ZKSCAN5: variants seen among roughly 807,000 people sequenced by gnomAD.
ZKSCAN5 encodes zinc finger with KRAB and SCAN domains 5, also known as zinc finger protein with KRAB and SCAN domains 5.
In ZKSCAN5, 28 loss-of-function variants were observed where a neutral mutation model predicts 60.0. That is an observed-to-expected ratio of 0.47 (90% CI 0.35 to 0.64). The LOEUF (loss-of-function observed/expected upper bound fraction) is 0.64, where lower values mean the gene tolerates loss of function less well. Ranked by LOEUF, ZKSCAN5 falls within the 30% of genes least tolerant of loss-of-function variation. ZKSCAN5 has a pLI of 0.01. For missense variants in ZKSCAN5, 881 were observed against 1,034.6 expected, an observed-to-expected ratio of 0.85 and a Z score of 2.04; for synonymous variants, 361 against 371.2, an observed-to-expected ratio of 0.97 and a Z score of 0.31.
At chr7:99,531,068 AG>A in intron 6 of ZKSCAN5, 39 bp from the exon 7 acceptor site, 1 of 1,518,528 alleles carries the variant, frequency 6.6e-7, no homozygotes, top group Non-Finnish European at 8.8e-7. Flanking sequence ...AAAAAAAAAA[AG>A]AACTGATGAC....
intron 6 of ZKSCAN5, among the ~76,000 whole-genome samples, chr7:99,527,857 T>G (rs1801861522): frequency 6.6e-6 from 1 of 152,030 alleles, no homozygotes; most frequent in Admixed American, 6.6e-5. Context: ...GCTAATTTTT[T>G]TTTGTATTTT....
chr7:99,531,649 A>G lies in ZKSCAN5; in HGVS notation c.1920A>G (p.Lys640=). ...CCTTCAAGTGTAACGAATGTGGGAA[A>G]GGCTTTGGGAGGCGTTCCCACCTGG... The part of the protein sequence containing the change: ...ERPFKCNECG[K]GFGRRSHLAG... Residue 640 remains lysine, a synonymous_variant, in exon 7 of 7, where the codon AAA becomes AAG. Transcript: ENST00000326775. The G allele has an allele frequency of 6.2e-7, 1 of 1,614,184 alleles. No individual in the cohort carries two copies. The highest frequency in any genetic ancestry group is 8.5e-7 in the Non-Finnish European group (1 of 1,180,046).
Position 99,533,289 on chromosome 7 carries a change from T to C in ZKSCAN5, c.*1040T>C. 1.5e-6 allele frequency: 1 copy of C among 672,094 alleles called. No homozygotes were observed. Among genetic ancestry groups the C allele is most frequent in the Non-Finnish European group, 2.7e-6 (1 of 365,174 alleles). The allele number at this position is 672,094 out of a possible 1,614,324, so 41.6% of individuals were successfully genotyped here. A position where few individuals can be genotyped will look rare whatever the true frequency, so the allele number is the denominator to read the frequency against. On this transcript the variant is annotated 3_prime_UTR_variant, in exon 7 of 7. Coordinates refer to ENST00000326775, the MANE Select transcript of ZKSCAN5 (RefSeq NM_145102.4). ...GCAGGAGGTCCTGTTAGCCCTGCCT[T>C]CCAGGAAGGTTGGGGTGGGAGTTTT...
At position 99,532,217 on chromosome 7, in the gene ZKSCAN5, A is replaced by T; in HGVS notation, c.2488A>T (p.Asn830Tyr). ...LRSHERTDPI[N>Y]TLSVEGSLL ...AAGCCATGAGAGGACAGATCCCATAAATACCTTAAGTGTAGAGGGGTCTCT... is the reference window on the plus strand; with the variant it reads ...AAGCCATGAGAGGACAGATCCCATATATACCTTAAGTGTAGAGGGGTCTCT... The change falls in exon 7 of 7, where the codon AAT becomes TAT. Residue 830 changes from asparagine to tyrosine, a missense_variant. Asn to Tyr is a moderately radical substitution (Grantham distance 143). Transcript: ENST00000326775. 6.2e-7 allele frequency: 1 copy of T among 1,604,698 alleles called. No individual in the cohort carries two copies.
chr7:99,532,079 C>T lies in ZKSCAN5; in HGVS notation c.2350C>T (p.Leu784=), dbSNP rs2151120773. ...TCATGAATGTGGCAGAGGCTTCACTCTGAAGTCACATCTTAATCAACATCA... is the reference window on the plus strand; with the variant it reads ...TCATGAATGTGGCAGAGGCTTCACTTTGAAGTCACATCTTAATCAACATCA... ...QCHECGRGFT[L]KSHLNQHQRI... is the part of the protein sequence containing the mutation. Residue 784 remains leucine, a synonymous_variant, in exon 7 of 7, where the codon CTG becomes TTG. Transcript: ENST00000326775. 1 of 1,614,182 alleles carries T rather than the reference C, an allele frequency of 6.2e-7. No individual in the cohort carries two copies. Among genetic ancestry groups the T allele is most frequent in the Non-Finnish European group, 8.5e-7 (1 of 1,180,030 alleles).
chr7:99,507,511 G>GTATATATATGTATATATA (rs1231084896), intron 2 of ZKSCAN5, among the ~76,000 whole-genome samples: 6,449 of 136,900 alleles, frequency 0.047, 531 homozygotes, highest in East Asian at 0.26. Flanking sequence ...GTATATATAT[G>GTATATATATGTATATATA]TGTGTATATA....
In ZKSCAN5 at chr7:99,533,257, C is replaced by T; in HGVS notation, c.*1008C>T. The T allele has an allele frequency of 1.5e-6, 1 of 688,368 alleles. No homozygotes were observed. Among genetic ancestry groups the T allele is most frequent in the South Asian group, 1.5e-5 (1 of 66,054 alleles). The allele number at this position is 688,368 out of a possible 1,614,324, so 42.6% of individuals were successfully genotyped here. ...GGGATTGAAAGTAATCAGTCGTGAG[C>T]AGGCAGGCAGGAGGTCCTGTTAGCC... On this transcript the variant is annotated 3_prime_UTR_variant, in exon 7 of 7. Transcript: ENST00000326775.
chr7:99,515,080 A>G (rs1256048325), intron 3 of ZKSCAN5, among the ~76,000 whole-genome samples: 1 of 151,924 alleles, frequency 6.6e-6, no homozygotes, highest in Non-Finnish European at 1.5e-5. Context: ...CTCTGTCTCC[A>G]TAAAAAATAA....
At position 99,525,886 on chromosome 7, in the gene ZKSCAN5, G is replaced by T. The variant is rs753425691; in HGVS notation, c.846G>T (p.Ala282=). 1.2e-6 allele frequency: 2 copies of T among 1,613,858 alleles called. No individual in the cohort carries two copies. Among genetic ancestry groups the T allele is most frequent in the Non-Finnish European group, 1.7e-6 (2 of 1,180,036 alleles). ...ISDDSESHWV[A]PEHTERSVPQ... ...ATGACTCTGAATCACACTGGGTGGC[G>T]CCAGAACACACCGAAAGGAGCGTTC... The change falls in exon 6 of 7, where the codon GCG becomes GCT. Residue 282 remains alanine, a synonymous_variant. Transcript: ENST00000326775.
rs1437279969 is a variant in ZKSCAN5 at position 99,533,253 on chromosome 7, T to A, written c.*1004T>A. 2.9e-6 allele frequency: 2 copies of A among 690,090 alleles called. No homozygotes were observed. The highest frequency in any genetic ancestry group is 3.0e-5 in the South Asian group (2 of 66,304). 42.7% of individuals were successfully genotyped at this position (690,090 alleles called of 1,614,324 possible). Reference sequence around the variant, plus strand: ...AGCTGGGATTGAAAGTAATCAGTCGTGAGCAGGCAGGCAGGAGGTCCTGTT... The same window carrying A: ...AGCTGGGATTGAAAGTAATCAGTCGAGAGCAGGCAGGCAGGAGGTCCTGTT... On this transcript the variant is annotated 3_prime_UTR_variant, in exon 7 of 7. Transcript: ENST00000326775.
chr7:99,509,605 T>TACAGGC (rs1050262663), intron 2 of ZKSCAN5, among the ~76,000 whole-genome samples: 5 of 152,030 alleles, frequency 3.3e-5, no homozygotes, highest in Admixed American at 1.3e-4. Context: ...TAGCTGGGAC[T>TACAGGC]ACAGGCACAC....
intron 3 of ZKSCAN5, among the ~76,000 whole-genome samples, chr7:99,514,403 T>C (rs1444881808): frequency 6.6e-6 from 1 of 152,222 alleles, no homozygotes; most frequent in Non-Finnish European, 1.5e-5. Context: ...TTTCCTCTCT[T>C]TGCCAATGTG....
At position 99,526,111 on chromosome 7, in the gene ZKSCAN5, A is replaced by G. The variant is rs369623599; in HGVS notation, c.1071A>G (p.Gln357=). 42 of 1,614,114 alleles carry G rather than the reference A, an allele frequency of 2.6e-5. No individual in the cohort carries two copies. The African/African-American group carries it at 4.4e-4, about 17-fold the overall frequency. Reference sequence around the variant, plus strand: ...GCGATTGTGGCAAATTCTTCCTCCAAGCCTCAAACTTTATTCAGCATCGGC... The same window carrying G: ...GCGATTGTGGCAAATTCTTCCTCCAGGCCTCAAACTTTATTCAGCATCGGC... ...RCSDCGKFFL[Q]ASNFIQHRRI... is the part of the protein sequence containing the mutation. Residue 357 remains glutamine, a synonymous_variant, in exon 6 of 7, where the codon CAA becomes CAG. Transcript: ENST00000326775.
chr7:99,525,961 A>G lies in ZKSCAN5; in HGVS notation c.921A>G (p.Gln307=), dbSNP rs896163935. 10 of 1,613,956 alleles carry G rather than the reference A, an allele frequency of 6.2e-6. No homozygotes were observed. In the South Asian group the frequency reaches 6.6e-5, roughly 11 times the overall value. ...TCAGTGACCTTAAAGGCATGGTACA[A>G]AGGTGGCAGGTCAACCCCACTGTGG... ...AEVSDLKGMV[Q]RWQVNPTVGK... is the part of the protein sequence containing the mutation. The change falls in exon 6 of 7, where the codon CAA becomes CAG. Residue 307 remains glutamine, a synonymous_variant. Transcript: ENST00000326775.
Position 99,531,263 on chromosome 7 carries a change from A to G in ZKSCAN5, c.1534A>G (p.Arg512Gly), listed in dbSNP as rs574850077. The change falls in exon 7 of 7, where the codon AGA becomes GGA. Residue 512 changes from arginine (R) to glycine (G), a missense_variant. Arg to Gly is a moderately radical substitution (Grantham distance 125). This residue lies in a region of ZKSCAN5 where 490 missense variants were observed against 554.5 expected (regional missense o/e 0.88). Coordinates refer to ENST00000326775, the MANE Select transcript of ZKSCAN5 (RefSeq NM_145102.4). Reference protein sequence around the residue: ...EGCEFQGKLDRKQGIPMKEIL... With the variant: ...EGCEFQGKLDGKQGIPMKEIL... ...CTGTGAGTTTCAAGGCAAGCTGGAT[A>G]GAAAGCAGGGAATTCCCATGAAAGA... 1 of 1,614,214 alleles carries G rather than the reference A, an allele frequency of 6.2e-7. No homozygotes were observed. The highest frequency in any genetic ancestry group is 1.7e-5 in the Admixed American group (1 of 60,020).
rs570999700 is a variant in ZKSCAN5, at chr7:99,517,584, G to A, written c.554-2243G>A. Among the ~76,000 whole-genome samples the A allele has an allele frequency of 2.2e-3, 334 of 152,280 alleles. 2 individuals are homozygous for A. Among genetic ancestry groups the A allele is most frequent in the Non-Finnish European group, 4.0e-3 (270 of 68,018 alleles). On this transcript the variant is annotated intron_variant, in intron 3 of 6. Coordinates refer to ENST00000326775, the MANE Select transcript of ZKSCAN5 (RefSeq NM_145102.4). ...TAATCCCAGCTACTCAGGAAGCTGA[G>A]GCAGGAGACTCTCTTGAACCTGGGA...
At chr7:99,520,010 C>G in intron 4 of ZKSCAN5, 101 bp downstream of exon 4, 15 of 1,511,142 alleles carry the variant, frequency 9.9e-6, no homozygotes, top group Non-Finnish European at 1.4e-5. Flanking sequence ...GGGTTGGTAC[C>G]TTCATTCCTT....
intron 3 of ZKSCAN5, among the ~76,000 whole-genome samples, chr7:99,518,623 G>T (rs1367181336): frequency 6.7e-6 from 1 of 150,140 alleles, no homozygotes; most frequent in Non-Finnish European, 1.5e-5. Context: ...GGAATTTGGT[G>T]GTTCTTTGAG....
At chr7:99,528,586 C>T (rs983830626) in intron 6 of ZKSCAN5, among the ~76,000 whole-genome samples, 4 of 152,112 alleles carry the variant, frequency 2.6e-5, no homozygotes, top group African/African-American at 9.7e-5. Flanking sequence ...ACCACCACAC[C>T]CAGCTAATTT....
Sources: gnomAD v4.1 joint callset for allele counts (sites outside exome capture counted in the v4.1 genomes callset) on GRCh38, gnomAD v4.1.1 for gene constraint, gnomAD v4.1.1 regional missense constraint, MANE v1.5 for transcripts, NCBI Gene and HGNC (gene_info 2026-07-23, HGNC 2026-07-21) for gene names.